MAP4: variants seen among roughly 807,000 people sequenced by gnomAD.
MAP4 encodes the protein microtubule-associated protein 4.
MAP4 carries 76 observed loss-of-function variants against 170.2 expected under a neutral mutation model. The observed-to-expected ratio is 0.45, with a 90% CI of 0.37 to 0.54. The LOEUF is 0.54. MAP4 is among the 20% of genes least tolerant of loss of function. The pLI, the probability that MAP4 is intolerant of heterozygous loss-of-function variation, is 0.00. For missense variants in MAP4, 2,506 were observed against 2,748.0 expected (o/e 0.91, Z 1.97); for synonymous variants, 909 against 994.5 (o/e 0.91, Z 1.62).
In MAP4 at chr3:47,909,777, C is replaced by T. The variant is rs1343998891; in HGVS notation, c.4644G>A (p.Val1548=). The change falls in exon 9 of 21, where the codon GTG becomes GTA. Residue 1548 remains valine (V), a synonymous_variant. Transcript: ENST00000683076. ...KNEAGIDEGH[V]IGESESVHSG... ...TGTGCACTGACTCAGATTCTCCTAT[C>T]ACATGCCCTTCATCGATCCCTGCTT... is the stretch of plus-strand genomic sequence containing the variant. 2 of 1,614,020 alleles carry T rather than the reference C, an allele frequency of 1.2e-6. No homozygotes were observed. Among genetic ancestry groups the T allele is most frequent in the South Asian group, 2.2e-5 (2 of 91,084 alleles).
intron 8 of MAP4, 102 bp downstream of exon 8, chr3:47,914,715 C>T: frequency 1.5e-6 from 2 of 1,350,478 alleles, no homozygotes; most frequent in Admixed American, 3.7e-5. Context: ...AACTATACTG[C>T]TGATTACCAC....
At chr3:48,002,837 A>T (rs774434411) in intron 1 of MAP4, among the ~76,000 whole-genome samples, 2 of 151,830 alleles carry the variant, frequency 1.3e-5, no homozygotes, top group African/African-American at 2.4e-5. Context: ...AGATTGCACC[A>T]CTGTACTCCA....
intron 3 of MAP4, among the ~76,000 whole-genome samples, chr3:47,972,794 G>A (rs1187553887): frequency 6.6e-6 from 1 of 151,962 alleles, no homozygotes; most frequent in East Asian, 1.9e-4. Flanking sequence ...GCTGAGGCAG[G>A]AGAATGGCGT....
At chr3:47,878,089 C>T (rs1559869227) in intron 10 of MAP4, among the ~76,000 whole-genome samples, 3 of 152,286 alleles carry the variant, frequency 2.0e-5, no homozygotes, top group South Asian at 4.1e-4. Flanking sequence ...AAGTCTCCTG[C>T]CTAAGGCAAC....
chr3:48,032,742 T>C (rs542606971), intron 1 of MAP4, among the ~76,000 whole-genome samples: 1 of 152,202 alleles, frequency 6.6e-6, no homozygotes, highest in East Asian at 1.9e-4. Context: ...GACCTAAAAC[T>C]GCACTCTGAA....
At chr3:47,886,915 G>A (rs1577078176) in intron 10 of MAP4, among the ~76,000 whole-genome samples, 1 of 152,264 alleles carries the variant, frequency 6.6e-6, no homozygotes, top group South Asian at 2.1e-4. Flanking sequence ...TCAACTCTTT[G>A]TCTTCCAGTT....
At chr3:47,856,046 T>C (rs893472490) in intron 18 of MAP4, among the ~76,000 whole-genome samples, 19 of 152,192 alleles carry the variant, frequency 1.2e-4, no homozygotes, top group Non-Finnish European at 2.9e-5. Flanking sequence ...GAAAGTGGTC[T>C]GAACTCACGC....
chr3:47,987,187 G>A (rs951825860), intron 2 of MAP4, among the ~76,000 whole-genome samples: 4 of 152,140 alleles, frequency 2.6e-5, no homozygotes, highest in Non-Finnish European at 5.9e-5. Context: ...AGAAACTTGA[G>A]GTCGCTAGTA....
At chr3:47,853,565 T>C (rs569881043) in intron 19 of MAP4, among the ~76,000 whole-genome samples, 226 of 139,558 alleles carry the variant, frequency 1.6e-3, no homozygotes, top group Non-Finnish European at 2.8e-3. Context: ...CAGGAGCAGC[T>C]GGACCAGTGA....
chr3:48,062,172 G>T (rs2154559189), intron 1 of MAP4, among the ~76,000 whole-genome samples: 1 of 152,244 alleles, frequency 6.6e-6, no homozygotes, highest in East Asian at 1.9e-4. Flanking sequence ...CTTCTGCCTT[G>T]GGATGCTGTT....
upstream of MAP4, among the ~76,000 whole-genome samples, chr3:48,017,514 T>A (rs1439223154): frequency 2.7e-5 from 4 of 150,828 alleles, no homozygotes; most frequent in Non-Finnish European, 4.4e-5. Flanking sequence ...ATCCAAACTC[T>A]TACGTGTAAT....
intron 3 of MAP4, among the ~76,000 whole-genome samples, chr3:47,959,100 T>C (rs2041171154): frequency 6.6e-6 from 1 of 151,424 alleles, no homozygotes. Flanking sequence ...GTCATCAAAG[T>C]GTGCAGTAAA....
chr3:48,005,325 C>A (rs2100101682), intron 1 of MAP4, among the ~76,000 whole-genome samples: 1 of 79,258 alleles, frequency 1.3e-5, no homozygotes, highest in Non-Finnish European at 2.5e-5. Flanking sequence ...TGTGCCACTG[C>A]ACTCTAACCT....
At chr3:47,992,299 C>T (rs1416720826) in intron 2 of MAP4, among the ~76,000 whole-genome samples, 3 of 152,262 alleles carry the variant, frequency 2.0e-5, no homozygotes, top group East Asian at 1.9e-4. Flanking sequence ...CGGCTTCCTT[C>T]GTTTTTCTTA....
intron 2 of MAP4, among the ~76,000 whole-genome samples, chr3:47,986,629 C>T (rs1022758147): frequency 2.0e-5 from 3 of 152,080 alleles, no homozygotes; most frequent in Non-Finnish European, 4.4e-5. Context: ...CTTGAGCCCC[C>T]GGGTCCCGGT....
chr3:47,890,524 C>A (rs936365145), intron 10 of MAP4, among the ~76,000 whole-genome samples: 5 of 152,122 alleles, frequency 3.3e-5, no homozygotes, highest in Non-Finnish European at 7.3e-5. Context: ...GAGCTTCCAC[C>A]CAGATTGTGC....
At chr3:48,012,287 A>C (rs2100105683) in intron 1 of MAP4, among the ~76,000 whole-genome samples, 2 of 152,066 alleles carry the variant, frequency 1.3e-5, no homozygotes, top group Admixed American at 6.6e-5. Flanking sequence ...TTTCCTTTCG[A>C]TTAATAGATT....
At chr3:48,080,524 T>C (rs1419957305) in intron 1 of MAP4, among the ~76,000 whole-genome samples, 2 of 152,192 alleles carry the variant, frequency 1.3e-5, no homozygotes, top group African/African-American at 4.8e-5. Flanking sequence ...ACTGCTTTCC[T>C]TAGGATCAAG....
chr3:47,957,972 G>GT (rs1352753994), intron 3 of MAP4, among the ~76,000 whole-genome samples: 1 of 152,188 alleles, frequency 6.6e-6, no homozygotes, highest in East Asian at 1.9e-4. Context: ...TGGCTTGGAA[G>GT]TGCTAGTCCC....
Sources: allele counts gnomAD v4.1 joint callset (sites outside exome capture counted in the v4.1 genomes callset), GRCh38; gene constraint gnomAD v4.1.1; transcripts MANE v1.5; gene names NCBI Gene and HGNC (gene_info 2026-07-23, HGNC 2026-07-21).